Variants in DNAI2 observed in about 807,000 individuals in gnomAD.
The protein encoded by DNAI2 is dynein, axonemal, intermediate polypeptide 2.
DNAI2 carries 63 observed loss-of-function variants against 74.7 expected under a neutral mutation model. That is an observed-to-expected ratio of 0.84 (90% CI 0.69 to 1.04). The LOEUF (loss-of-function observed/expected upper bound fraction) is 1.04. Ranked by LOEUF, DNAI2 falls within the 50% of genes least tolerant of loss-of-function variation. DNAI2 has a pLI of 0.00. For missense variants in DNAI2, 688 were observed against 803.2 expected (o/e 0.86, Z 1.73); for synonymous variants, 289 against 314.9 (o/e 0.92, Z 0.87).
chr17:74,304,181 TTTTTC>T (rs2053039096), intron 8 of DNAI2, among the ~76,000 whole-genome samples: 2 of 137,328 alleles, frequency 1.5e-5, no homozygotes, highest in African/African-American at 5.8e-5. Flanking sequence ...TTCTTTTTCT[TTTTTC>T]TTTTTTTTTT....
intron 1 of DNAI2, among the ~76,000 whole-genome samples, chr17:74,274,775 C>T (rs2050962044): frequency 6.6e-6 from 1 of 152,160 alleles, no homozygotes. Flanking sequence ...TGTAAATTAA[C>T]AGTATTGCAC....
intron 9 of DNAI2, 151 bp from the exon 10 acceptor site, chr17:74,309,102 G>T: frequency 1.4e-6 from 1 of 739,540 alleles, no homozygotes; most frequent in Non-Finnish European, 2.3e-6. Flanking sequence ...CTGTGGATGA[G>T]TGAGGTCAGC....
intron 12 of DNAI2, among the ~76,000 whole-genome samples, chr17:74,312,494 C>T (rs1748377442): frequency 6.6e-6 from 1 of 152,116 alleles, no homozygotes; most frequent in South Asian, 2.1e-4. Flanking sequence ...AGAGAGGGCA[C>T]ATGGTGAAAA....
intron 1 of DNAI2, among the ~76,000 whole-genome samples, chr17:74,279,221 G>A (rs1324280888): frequency 1.3e-5 from 2 of 152,098 alleles, no homozygotes; most frequent in Non-Finnish European, 2.9e-5. Flanking sequence ...TGAGGGGATG[G>A]ATACCCCATT....
intron 6 of DNAI2, among the ~76,000 whole-genome samples, chr17:74,297,493 C>T (rs959782478): frequency 6.6e-6 from 1 of 151,182 alleles, no homozygotes; most frequent in African/African-American, 2.4e-5. Flanking sequence ...TGGGTTCAAG[C>T]GATCCTCCTG....
intron 1 of DNAI2, among the ~76,000 whole-genome samples, chr17:74,275,453 C>T (rs1210938835): frequency 2.6e-5 from 4 of 152,094 alleles, no homozygotes; most frequent in East Asian, 1.9e-4. Context: ...AAGCTGGGTG[C>T]GGTTTTCACA....
At position 74,303,006 on chromosome 17, in the gene DNAI2, C is replaced by A. The variant is rs546036204; in HGVS notation, c.987+1838C>A. 3.9e-5 allele frequency among the ~76,000 whole-genome samples: 6 copies of A among 152,342 alleles called. No individual in the cohort carries two copies. The East Asian group carries it at 1.2e-3, about 29-fold the overall frequency. ...GAGGCAAGGCTTTCTAGGCCAAGTG[C>A]TAGACATGCAGCCACATCACTACTA... On this transcript the variant is annotated intron_variant, in intron 8 of 13. Coordinates refer to ENST00000311014, the MANE Select transcript of DNAI2 (RefSeq NM_023036.6).
chr17:74,286,856 T>C (rs2051776890), intron 3 of DNAI2, 121 bp from the exon 4 acceptor site: 1 of 1,302,786 alleles, frequency 7.7e-7, no homozygotes, highest in Non-Finnish European at 1.1e-6. Flanking sequence ...TGAAAGCACA[T>C]GGTTAGGTGG....
intron 8 of DNAI2, among the ~76,000 whole-genome samples, chr17:74,302,596 G>A (rs1303703033): frequency 6.6e-6 from 1 of 152,146 alleles, no homozygotes; most frequent in Non-Finnish European, 1.5e-5. Flanking sequence ...AGAAAAACAG[G>A]AAATATCAGT....
chr17:74,290,607 CT>C (rs2052028965), intron 5 of DNAI2, among the ~76,000 whole-genome samples: 1 of 152,194 alleles, frequency 6.6e-6, no homozygotes, highest in African/African-American at 2.4e-5. Flanking sequence ...ATTCCAACAG[CT>C]CAGCGAGTTC....
chr17:74,276,846 G>T (rs2051109544), intron 1 of DNAI2, among the ~76,000 whole-genome samples: 1 of 152,162 alleles, frequency 6.6e-6, no homozygotes, highest in African/African-American at 2.4e-5. Context: ...TCTTTTAAAA[G>T]TCAGAGACAG....
chr17:74,284,937 G>A (rs925569479), intron 2 of DNAI2, 103 bp from the exon 3 acceptor site: 2 of 1,491,666 alleles, frequency 1.3e-6, no homozygotes, highest in Admixed American at 1.7e-5. Context: ...GGGCGCCTCA[G>A]CATCCAGCCC....
chr17:74,311,470 A>T (rs1197888702), intron 11 of DNAI2, among the ~76,000 whole-genome samples: 2 of 152,186 alleles, frequency 1.3e-5, no homozygotes, highest in Non-Finnish European at 2.9e-5. Context: ...AAAATTAGCC[A>T]GGCATGGCGT....
At chr17:74,297,328 G>A (rs1248786038) in intron 6 of DNAI2, among the ~76,000 whole-genome samples, 1 of 151,054 alleles carries the variant, frequency 6.6e-6, no homozygotes, top group East Asian at 1.9e-4. Flanking sequence ...TCTTGACCTC[G>A]TGATCTGCCT....
intron 12 of DNAI2, 114 bp from the exon 13 acceptor site, chr17:74,314,007 A>G (rs1314593214): frequency 6.3e-7 from 1 of 1,580,028 alleles, no homozygotes; most frequent in Non-Finnish European, 8.6e-7. Flanking sequence ...GTGCTCAGCG[A>G]CCCAGGCTTC....
chr17:74,310,443 C>T (rs2053457568), intron 11 of DNAI2, among the ~76,000 whole-genome samples: 1 of 151,206 alleles, frequency 6.6e-6, no homozygotes, highest in Non-Finnish European at 1.5e-5. Context: ...GTCAGTTTGT[C>T]TAGTTTCAAA....
chr17:74,313,801 C>G (rs1009760440), intron 12 of DNAI2: 6 of 389,116 alleles, frequency 1.5e-5, no homozygotes, highest in African/African-American at 6.2e-5. Flanking sequence ...ATCCTGGCCA[C>G]AGCCCTGCAA....
chr17:74,283,515 G>A (rs1404642704), intron 2 of DNAI2, among the ~76,000 whole-genome samples: 1 of 151,996 alleles, frequency 6.6e-6, no homozygotes. Context: ...GGTGGAGGCG[G>A]GCGGATTGCT....
At chr17:74,306,933 T>A (rs61034209) in intron 9 of DNAI2, among the ~76,000 whole-genome samples, 7,297 of 152,236 alleles carry the variant, frequency 0.048, 579 homozygotes, top group African/African-American at 0.17. Context: ...GTGATTTTTT[T>A]AAAATCCAGA....
Sources: gnomAD v4.1 joint callset for allele counts (sites outside exome capture counted in the v4.1 genomes callset) on GRCh38, gnomAD v4.1.1 for gene constraint, MANE v1.5 for transcripts, NCBI Gene and HGNC (gene_info 2026-07-23, HGNC 2026-07-21) for gene names.